BCAR3: variants seen among roughly 807,000 people sequenced by gnomAD.
BCAR3 encodes breast cancer anti-estrogen resistance protein 3.
In BCAR3, 37 loss-of-function variants were observed where a neutral mutation model predicts 80.1. The ratio of observed to expected loss-of-function variants is 0.46; its 90% CI spans 0.36 to 0.61. The LOEUF is 0.61. BCAR3 is among the 20% of genes least tolerant of loss of function. The pLI is 0.00. For synonymous variants in BCAR3, 389 were observed against 418.9 expected, an observed-to-expected ratio of 0.93 and a Z score of 0.87; for missense variants, 978 against 1,068.2, an observed-to-expected ratio of 0.92 and a Z score of 1.18.
intron 2 of BCAR3, among the ~76,000 whole-genome samples, chr1:93,661,047 CT>C (rs922281894): frequency 2.0e-5 from 3 of 147,200 alleles, no homozygotes; most frequent in African/African-American, 7.5e-5. Flanking sequence ...TGGCTAATTT[CT>C]TTTTTTTTGA....
At chr1:93,838,295 C>T (rs376413947) in intron 2 of BCAR3, among the ~76,000 whole-genome samples, 1 of 152,186 alleles carries the variant, frequency 6.6e-6, no homozygotes, top group African/African-American at 2.4e-5. Flanking sequence ...GGGAAGTGGA[C>T]ATGTGTGAAG....
intron 3 of BCAR3, among the ~76,000 whole-genome samples, chr1:93,704,374 T>TA (rs1649757545): frequency 6.6e-6 from 1 of 152,152 alleles, no homozygotes; most frequent in Non-Finnish European, 1.5e-5. Context: ...AAAGTAATAA[T>TA]AAAAACAGCT....
chr1:93,796,482 C>G (rs112872989), intron 2 of BCAR3, among the ~76,000 whole-genome samples: 3 of 148,938 alleles, frequency 2.0e-5, no homozygotes, highest in Admixed American at 2.0e-4. Flanking sequence ...CTTGCGCTTC[C>G]CAGGTGAGGC....
chr1:93,757,647 A>C (rs561320135), intron 2 of BCAR3, among the ~76,000 whole-genome samples: 15 of 152,286 alleles, frequency 9.8e-5, no homozygotes, highest in African/African-American at 3.4e-4. Context: ...CATCCTCCAG[A>C]GTCAACTCTT....
At chr1:93,824,629 T>A (rs1654320194) in intron 2 of BCAR3, among the ~76,000 whole-genome samples, 1 of 130,576 alleles carries the variant, frequency 7.7e-6, no homozygotes, top group East Asian at 3.1e-4. Context: ...ATGCCTCCTC[T>A]TGGCAAAGAC....
At chr1:93,781,739 C>T (rs1054909946) in intron 2 of BCAR3, among the ~76,000 whole-genome samples, 2 of 152,144 alleles carry the variant, frequency 1.3e-5, no homozygotes, top group African/African-American at 4.8e-5. Context: ...CTCAAATCCT[C>T]CTATGCCTGT....
chr1:93,776,246 A>T (rs890802036), intron 2 of BCAR3, among the ~76,000 whole-genome samples: 2 of 152,176 alleles, frequency 1.3e-5, no homozygotes, highest in African/African-American at 4.8e-5. Flanking sequence ...TAGGATAGAA[A>T]ATGTCCGCAT....
chr1:93,844,572 T>C (rs1351090369), intron 2 of BCAR3, among the ~76,000 whole-genome samples: 1 of 152,202 alleles, frequency 6.6e-6, no homozygotes, highest in Non-Finnish European at 1.5e-5. Context: ...ACCCACTGAA[T>C]CTTTCTCCCC....
intron 3 of BCAR3, among the ~76,000 whole-genome samples, chr1:93,627,636 T>C (rs1353466476): frequency 6.6e-6 from 1 of 152,246 alleles, no homozygotes; most frequent in South Asian, 2.1e-4. Flanking sequence ...CATTCACTGG[T>C]ATATAATGGG....
rs1346439809 is a variant in BCAR3 at position 93,825,029 on chromosome 1, T to C, written c.-63+20538A>G. On this transcript the variant is annotated intron_variant, in intron 2 of 13. Coordinates refer to the BCAR3 transcript ENST00000370244. ...CCATCTGTGGCTCTCTGGTAACCTA[T>C]CAAAACTCACGAGTGCGTACAGAGA... Among the ~76,000 whole-genome samples the C allele has an allele frequency of 1.5e-5, 2 of 133,684 alleles. 1 individual carries two copies. The highest frequency in any genetic ancestry group is 3.4e-5 in the Non-Finnish European group (2 of 59,226). 87.7% of individuals were successfully genotyped at this position (133,684 alleles called of 152,430 possible). A position where few individuals can be genotyped will look rare whatever the true frequency, so the allele number is the denominator to read the frequency against.
rs373741468 is a variant in BCAR3, at chr1:93,745,805, C to T, written c.-62-39663G>A. On this transcript the variant is annotated intron_variant, in intron 2 of 13. Transcript: ENST00000370244. Reference sequence around the variant, plus strand: ...CTGTAATCCCAGCACTTTGAGAGGCCAAGGTGGGAGGATCACTTGAGACCA... The same window carrying T: ...CTGTAATCCCAGCACTTTGAGAGGCTAAGGTGGGAGGATCACTTGAGACCA... 2.2e-4 allele frequency among the ~76,000 whole-genome samples: 34 copies of T among 152,246 alleles called. 3 individuals carry two copies. Among genetic ancestry groups the T allele is most frequent in the Admixed American group, 1.2e-3 (19 of 15,294 alleles).
intron 5 of BCAR3, among the ~76,000 whole-genome samples, chr1:93,584,379 C>T (rs1319722625): frequency 6.6e-6 from 1 of 152,204 alleles, no homozygotes; most frequent in Non-Finnish European, 1.5e-5. Context: ...AGGATGCCTC[C>T]TCTGGGCTGT....
At chr1:93,784,597 T>G (rs1308173213) in intron 2 of BCAR3, among the ~76,000 whole-genome samples, 7 of 152,238 alleles carry the variant, frequency 4.6e-5, no homozygotes, top group Non-Finnish European at 1.0e-4. Context: ...CTGTCCTTTC[T>G]GTGCAGGCTG....
chr1:93,772,134 G>A (rs1290516489), intron 2 of BCAR3, among the ~76,000 whole-genome samples: 1 of 152,238 alleles, frequency 6.6e-6, no homozygotes, highest in African/African-American at 2.4e-5. Context: ...ATAGTCTGGA[G>A]ACGTCAGCAG....
intron 3 of BCAR3, among the ~76,000 whole-genome samples, chr1:93,632,903 C>A (rs1025882205): frequency 5.3e-5 from 8 of 152,176 alleles, no homozygotes; most frequent in African/African-American, 1.7e-4. Context: ...CCTATAATCC[C>A]AGCTACTTGG....
chr1:93,622,994 A>G (rs1190802357), intron 3 of BCAR3, among the ~76,000 whole-genome samples: 1 of 152,158 alleles, frequency 6.6e-6, no homozygotes, highest in Non-Finnish European at 1.5e-5. Flanking sequence ...CACTTGTGAT[A>G]AGATGTGGGA....
intron 2 of BCAR3, among the ~76,000 whole-genome samples, chr1:93,667,799 G>A (rs1052928503): frequency 6.6e-6 from 1 of 152,150 alleles, no homozygotes; most frequent in Admixed American, 6.5e-5. Context: ...CATGACCTGA[G>A]GGCATATCAG....
intron 2 of BCAR3, among the ~76,000 whole-genome samples, chr1:93,654,405 G>A (rs1385801872): frequency 6.6e-6 from 1 of 152,068 alleles, no homozygotes; most frequent in Non-Finnish European, 1.5e-5. Context: ...CCGACAGCCA[G>A]GAAACAGAGA....
chr1:93,562,120 A>C lies in BCAR3; in HGVS notation c.*121T>G, dbSNP rs1457114168. 5 of 1,016,982 alleles carry C rather than the reference A, an allele frequency of 4.9e-6. No homozygotes were observed. The highest frequency in any genetic ancestry group is 5.7e-6 in the Non-Finnish European group (4 of 706,392). 63.0% of individuals were successfully genotyped at this position (1,016,982 alleles called of 1,614,324 possible). A position where few individuals can be genotyped will look rare whatever the true frequency, so the allele number is the denominator to read the frequency against. On this transcript the variant is annotated 3_prime_UTR_variant, in exon 12 of 12. Transcript: ENST00000260502. ...AATTTACACGTTTAATATCCTGTGG[A>C]TACTAAAAGCTTGTATATTGTCAGA...
Sources: gnomAD v4.1 joint callset for allele counts (sites outside exome capture counted in the v4.1 genomes callset) on GRCh38, gnomAD v4.1.1 for gene constraint, MANE v1.5 for transcripts, NCBI Gene and HGNC (gene_info 2026-07-23, HGNC 2026-07-21) for gene names.